Variants in DST observed in about 807,000 individuals in gnomAD.
DST encodes the protein bullous pemphigoid antigen.
A neutral mutation model predicts 875.2 loss-of-function variants in DST; 253 were observed. The ratio of observed to expected loss-of-function variants is 0.29; its 90% CI spans 0.26 to 0.32. The LOEUF (loss-of-function observed/expected upper bound fraction) is 0.32. DST is among the 10% of genes least tolerant of loss of function. The pLI is 1.00. For synonymous variants in DST, 3,124 were observed against 3,197.1 expected, an observed-to-expected ratio of 0.98 and a Z score of 0.77; for missense variants, 8,287 against 9,111.6, an observed-to-expected ratio of 0.91 and a Z score of 3.68.
At chr6:56,577,964 A>G (rs538324047) in intron 50 of DST, among the ~76,000 whole-genome samples, 1 of 152,170 alleles carries the variant, frequency 6.6e-6, no homozygotes, top group East Asian at 1.9e-4. Context: ...TTGGGATTAC[A>G]GGTGTCAGCT....
At chr6:56,639,107 G>A in intron 22 of DST, 152 bp downstream of exon 22, 1 of 702,508 alleles carries the variant, frequency 1.4e-6, no homozygotes, top group Non-Finnish European at 2.5e-6. Flanking sequence ...GAGAACTGAA[G>A]GCAATCAGTA....
rs746671799 is a variant in DST at position 56,606,840 on chromosome 6, A to G, written c.7788T>C (p.Asn2596=). The change falls in exon 40 of 104, where the codon AAT becomes AAC. Residue 2596 remains asparagine (N), a synonymous_variant. Coordinates refer to ENST00000680361, the MANE Select transcript of DST (RefSeq NM_001374736.1). ...SASDYETSLL[N]DQQNNTGTDT... is the part of the protein sequence containing the mutation. ...CTGTTCCTGTGTTATTCTGCTGATC[A>G]TTCAGCAGTGACGTTTCATAGTCAC... The G allele has an allele frequency of 3.1e-6, 5 of 1,612,748 alleles. No individual in the cohort carries two copies. The South Asian group carries it at 3.3e-5, about 11-fold the overall frequency.
At chr6:56,486,692 C>A (rs766088623) in intron 87 of DST, among the ~76,000 whole-genome samples, 1 of 152,060 alleles carries the variant, frequency 6.6e-6, no homozygotes, top group African/African-American at 2.4e-5. Context: ...CATTAAGAAG[C>A]CTGTGTTTCA....
intron 24 of DST, 40 bp downstream of exon 24, chr6:56,635,549 T>G (rs766284287): frequency 2.5e-6 from 4 of 1,601,752 alleles, no homozygotes; most frequent in South Asian, 1.1e-5. Context: ...ATCTAATCAC[T>G]TATGCATACT....
chr6:56,670,930 G>T (rs1031684566), intron 9 of DST, 123 bp from the exon 10 acceptor site: 19 of 551,828 alleles, frequency 3.4e-5, no homozygotes, highest in Non-Finnish European at 5.8e-5. Flanking sequence ...CCCGCTTCAT[G>T]AGATTGTTAA....
chr6:56,493,825 T>C (rs1442161087), intron 83 of DST, among the ~76,000 whole-genome samples, 185 bp downstream of exon 83: 1 of 152,162 alleles, frequency 6.6e-6, no homozygotes, highest in Non-Finnish European at 1.5e-5. Flanking sequence ...CCTTTAAATA[T>C]GTTCTCATGT....
intron 3 of DST, among the ~76,000 whole-genome samples, chr6:56,894,768 TC>T (rs1790115573): frequency 2.9e-5 from 1 of 34,196 alleles, no homozygotes. Context: ...TGACCCCCCC[TC>T]CCCCCTCCCG....
chr6:56,756,010 T>C (rs945981914), intron 4 of DST, among the ~76,000 whole-genome samples: 9 of 152,106 alleles, frequency 5.9e-5, no homozygotes, highest in Non-Finnish European at 1.2e-4. Flanking sequence ...TAGGGCTAGC[T>C]AAAAGGAGGA....
At chr6:56,518,934 C>T (rs2096645295) in intron 69 of DST, among the ~76,000 whole-genome samples, 1 of 152,152 alleles carries the variant, frequency 6.6e-6, no homozygotes, top group South Asian at 2.1e-4. Flanking sequence ...ACTTTAAAAA[C>T]TCTGCAACAC....
At chr6:56,706,115 A>T (rs2099333102) in intron 5 of DST, among the ~76,000 whole-genome samples, 1 of 152,192 alleles carries the variant, frequency 6.6e-6, no homozygotes, top group Non-Finnish European at 1.5e-5. Context: ...GGAGTTCGAG[A>T]CCAGCCTGGC....
intron 3 of DST, among the ~76,000 whole-genome samples, chr6:56,869,629 A>C (rs1203079369): frequency 6.6e-6 from 1 of 152,040 alleles, no homozygotes; most frequent in African/African-American, 2.4e-5. Context: ...GCTGATTCTC[A>C]TGTGTATTTT....
At position 56,511,239 on chromosome 6, in the gene DST, C is replaced by G. The variant is rs1276614337; in HGVS notation, c.18738G>C (p.Lys6246Asn). ...LYSQIKEDVK[K>N]RAVALDEAIS... ...TGGCTTCATCCAGTGCCACAGCACG[C>G]TTTTTGACATCTTCTTTAATTTGAC... is the stretch of plus-strand genomic sequence containing the variant. The change falls in exon 73 of 104, where the codon AAG becomes AAC. Residue 6246 changes from lysine (K) to asparagine (N), a missense_variant. Transcript: ENST00000680361. 6.3e-7 allele frequency: 1 copy of G among 1,593,622 alleles called. No individual in the cohort carries two copies. The highest frequency in any genetic ancestry group is 1.7e-5 in the Admixed American group (1 of 57,174).
rs866638265 is a variant in DST, at chr6:56,591,701, G to A, written c.12903+481C>T. ...AGAAAACATCAGGAAGGCTGGGCGC[G>A]GTGGTTCACACCTGTAATCCCAGCA... On this transcript the variant is annotated intron_variant, in intron 49 of 103. Transcript: ENST00000680361. 2.6e-5 allele frequency among the ~76,000 whole-genome samples: 4 copies of A among 152,106 alleles called. No individual in the cohort carries two copies. In the South Asian group the frequency reaches 6.2e-4, roughly 24 times the overall value.
intron 5 of DST, among the ~76,000 whole-genome samples, chr6:56,712,657 A>C (rs1256343866): frequency 6.6e-6 from 1 of 152,204 alleles, no homozygotes; most frequent in Non-Finnish European, 1.5e-5. Flanking sequence ...ACACCATTAC[A>C]GTCTTATTCT....
intron 4 of DST, among the ~76,000 whole-genome samples, chr6:56,811,798 G>A (rs1229513688): frequency 6.6e-6 from 1 of 151,964 alleles, no homozygotes; most frequent in Non-Finnish European, 1.5e-5. Context: ...TAAGTTCCTT[G>A]ATAAGACAAA....
At chr6:56,921,411 TA>T (rs1804155736) in intron 2 of DST, among the ~76,000 whole-genome samples, 1 of 152,248 alleles carries the variant, frequency 6.6e-6, no homozygotes, top group Non-Finnish European at 1.5e-5. Context: ...TAGTAAATTT[TA>T]TTTTTAAATA....
Position 56,501,520 on chromosome 6 carries a change from C to T in DST, c.19740G>A (p.Gln6580=). ...DSLEERIINR[Q]HKLEGALLAL... is the part of the protein sequence containing the mutation. ...TCTTAAGAAAAGTCTTGGTATTTAC[C>T]TGTCTGTTGATGATTCTCTCCTCCA... is the stretch of plus-strand genomic sequence containing the variant. Residue 6580 remains glutamine, a splice_region_variant and synonymous_variant, in exon 79 of 104, where the codon CAG becomes CAA. Coordinates refer to ENST00000680361, the MANE Select transcript of DST (RefSeq NM_001374736.1). 1 of 1,543,216 alleles carries T rather than the reference C, an allele frequency of 6.5e-7. No individual in the cohort carries two copies. Among genetic ancestry groups the T allele is most frequent in the Non-Finnish European group, 8.7e-7 (1 of 1,146,102 alleles).
rs146029451 is a variant in DST, at chr6:56,852,659, C to A, written c.418-1055G>T. Among the ~76,000 whole-genome samples the A allele has an allele frequency of 2.3e-4, 35 of 152,296 alleles. No homozygotes were observed. The East Asian group carries it at 6.6e-3, about 29-fold the overall frequency. ...ACAAGGATGTTGACTATCTCTGCTG[C>A]AAAATTATAAACATAACGACATATC... On this transcript the variant is annotated intron_variant, in intron 3 of 103. Transcript: ENST00000680361.
chr6:56,763,047 G>A (rs552682682), intron 4 of DST, among the ~76,000 whole-genome samples: 132 of 151,742 alleles, frequency 8.7e-4, no homozygotes, highest in South Asian at 2.5e-3. Context: ...ATGGGGTTTC[G>A]ACATGTTGGC....
Sources: allele counts gnomAD v4.1 joint callset (sites outside exome capture counted in the v4.1 genomes callset), GRCh38; gene constraint gnomAD v4.1.1; transcripts MANE v1.5; gene names NCBI Gene and HGNC (gene_info 2026-07-23, HGNC 2026-07-21).